Variants in SMS observed in about 807,000 individuals in gnomAD.
The protein encoded by SMS is spermine synthase.
Under a neutral mutation model 33.0 loss-of-function variants are expected in SMS, and 3 were observed. The observed-to-expected ratio is 0.09, with a 90% CI of 0.04 to 0.23. SMS has a LOEUF of 0.23. Ranked by LOEUF, SMS falls within the 10% of genes least tolerant of loss-of-function variation. The pLI is 1.00. For missense variants in SMS, 117 were observed against 288.6 expected (o/e 0.41, Z 4.31); for synonymous variants, 103 against 112.2 (o/e 0.92, Z 0.52).
At chrX:21,949,828 C>G (rs1243098370) in intron 1 of SMS, among the ~76,000 whole-genome samples, 1 of 110,855 alleles carries the variant, frequency 9.0e-6, no homozygotes, top group Non-Finnish European at 1.9e-5. Flanking sequence ...TTGAGCATCC[C>G]TAATCCGAAA....
At chrX:21,941,518 G>C (rs1029646022) in intron 1 of SMS, among the ~76,000 whole-genome samples, 6 of 110,847 alleles carry the variant, frequency 5.4e-5, no homozygotes, top group Admixed American at 4.7e-4. Context: ...AAAAGGAAAC[G>C]ATTATTATTA....
At chrX:21,958,015 G>A (rs1220349629) in intron 1 of SMS, among the ~76,000 whole-genome samples, 2 of 107,583 alleles carry the variant, frequency 1.9e-5, no homozygotes, top group Non-Finnish European at 3.8e-5. Flanking sequence ...CTGGATATTA[G>A]CCCTTTGTCA....
In SMS at chrX:21,941,402, C is replaced by T. The variant is rs1399310530; in HGVS notation, c.49+529C>T. 1.4e-5 allele frequency: 3 copies of T among 207,635 alleles called. No individual in the cohort carries two copies. In the South Asian group the frequency reaches 1.5e-4, roughly 10 times the overall value. The allele number at this position is 207,635 out of a possible 1,213,427, so 17.1% of individuals were successfully genotyped here. ...CCTCTTGGGGGCGGGGGTTTCCCCT[C>T]GTAGGGAGCTGGGGCTGGGGAAAGG... On this transcript the variant is annotated intron_variant, in intron 1 of 10. Transcript: ENST00000404933.
intron 5 of SMS, 129 bp from the exon 6 acceptor site, chrX:21,977,831 T>G (rs1924632661): frequency 2.9e-6 from 2 of 679,731 alleles, no homozygotes; most frequent in Admixed American, 4.7e-5. Flanking sequence ...TGCAAATTGT[T>G]CACAGTTTTA....
At chrX:21,951,733 G>T (rs1209836878) in intron 1 of SMS, among the ~76,000 whole-genome samples, 4 of 96,712 alleles carry the variant, frequency 4.1e-5, no homozygotes, top group Admixed American at 1.3e-4. Flanking sequence ...TCAGGTTTAG[G>T]GGCTTTTTTT....
chrX:21,940,983 G>A (rs1270731904), intron 1 of SMS, 110 bp downstream of exon 1: 10 of 266,879 alleles, frequency 3.7e-5, no homozygotes, highest in Non-Finnish European at 5.2e-5. Flanking sequence ...AATGCGGGCG[G>A]CCCGCGCGGC....
At chrX:21,976,993 C>A in intron 4 of SMS, 68 bp from the exon 5 acceptor site, 1 of 1,056,077 alleles carries the variant, frequency 9.5e-7, no homozygotes, top group South Asian at 1.9e-5. Context: ...TTTGCACACT[C>A]TTCATCCTAG....
intron 2 of SMS, among the ~76,000 whole-genome samples, chrX:21,970,661 C>T (rs1023281108): frequency 9.1e-6 from 1 of 109,605 alleles, no homozygotes; most frequent in Non-Finnish European, 1.9e-5. Context: ...CTTGACCTCC[C>T]GGGCTTAAGG....
intron 2 of SMS, among the ~76,000 whole-genome samples, chrX:21,969,879 A>G (rs928417997): frequency 5.3e-5 from 6 of 112,909 alleles, no homozygotes; most frequent in African/African-American, 1.9e-4. Flanking sequence ...CAGTGGCACA[A>G]TCTTGGCTTA....
chrX:21,966,462 G>A (rs972775813), intron 1 of SMS, among the ~76,000 whole-genome samples: 2 of 111,612 alleles, frequency 1.8e-5, no homozygotes, highest in African/African-American at 6.5e-5. Context: ...GTGAACCTGC[G>A]GAGGTTAATG....
chrX:21,948,056 T>A (rs1339524795), intron 1 of SMS, among the ~76,000 whole-genome samples: 1 of 111,879 alleles, frequency 8.9e-6, no homozygotes, highest in African/African-American at 3.3e-5. Flanking sequence ...GCACAGGTTA[T>A]GCTCTATATG....
chrX:21,992,118 T>A (rs1925798474), intron 9 of SMS, among the ~76,000 whole-genome samples: 1 of 112,320 alleles, frequency 8.9e-6, no homozygotes, highest in Admixed American at 9.5e-5. Context: ...ATACACAGAT[T>A]CTAGGAAAAA....
intron 1 of SMS, among the ~76,000 whole-genome samples, chrX:21,945,773 C>T (rs752206741): frequency 4.8e-4 from 52 of 108,875 alleles, no homozygotes; most frequent in Non-Finnish European, 8.6e-4. Flanking sequence ...TACAGGCACG[C>T]GGCACCACAC....
chrX:21,987,497 A>G (rs1000551879), intron 9 of SMS, among the ~76,000 whole-genome samples: 1 of 111,921 alleles, frequency 8.9e-6, no homozygotes, highest in African/African-American at 3.2e-5. Flanking sequence ...ATGCCTGGCT[A>G]ATTTTTGTAG....
chrX:21,959,711 C>T (rs1569344569), intron 1 of SMS, among the ~76,000 whole-genome samples: 1 of 112,413 alleles, frequency 8.9e-6, no homozygotes, highest in Non-Finnish European at 1.9e-5. Flanking sequence ...GTTTAGGGGT[C>T]TATCAAGAAA....
intron 2 of SMS, among the ~76,000 whole-genome samples, chrX:21,971,088 C>T (rs753397048): frequency 2.8e-4 from 30 of 108,606 alleles, no homozygotes; most frequent in Non-Finnish European, 5.2e-4. Context: ...CCCAGCTACT[C>T]GGGAGGCTGA....
chrX:21,967,323 A>AGTCTCCAG lies in SMS; in HGVS notation c.170+8_170+15dup, dbSNP rs1923803018. The stretch of plus-strand genomic sequence containing the variant: ...ACACAAACAAGAACGGCAGGTGAGC[A>AGTCTCCAG]GTCTCCAGTGCTGTTCTTCATACCT... On this transcript the variant is annotated splice_region_variant and intron_variant, in intron 2 of 10. Transcript: ENST00000404933. 2 of 1,208,738 alleles carry AGTCTCCAG rather than the reference A, an allele frequency of 1.7e-6. No individual in the cohort carries two copies. Among genetic ancestry groups the AGTCTCCAG allele is most frequent in the Non-Finnish European group, 2.2e-6 (2 of 893,600 alleles).
At chrX:21,974,593 G>GA (rs1406633479) in intron 4 of SMS, among the ~76,000 whole-genome samples, 1 of 112,025 alleles carries the variant, frequency 8.9e-6, no homozygotes, top group African/African-American at 3.2e-5. Flanking sequence ...AATGTGGTCT[G>GA]ATTTTTATCA....
intron 9 of SMS, among the ~76,000 whole-genome samples, chrX:21,989,039 T>C (rs1925583655): frequency 9.0e-6 from 1 of 111,218 alleles, no homozygotes; most frequent in African/African-American, 3.3e-5. Context: ...CCATCTTTGG[T>C]CTCACTTTTT....
Sources: allele counts gnomAD v4.1 joint callset (sites outside exome capture counted in the v4.1 genomes callset), GRCh38; gene constraint gnomAD v4.1.1; transcripts MANE v1.5; gene names NCBI Gene and HGNC (gene_info 2026-07-23, HGNC 2026-07-21).